Variants in RSPO2 observed in about 807,000 individuals in gnomAD.
RSPO2 encodes the protein R-spondin-2.
RSPO2 carries 14 observed loss-of-function variants against 30.9 expected under a neutral mutation model. That is an observed-to-expected ratio of 0.45 (90% CI 0.30 to 0.71). The LOEUF is 0.71. Among genes scored for constraint, RSPO2 ranks in the 30% least tolerant of loss-of-function variants. The pLI is 0.08. For synonymous variants in RSPO2, 107 were observed against 96.4 expected (o/e 1.11, Z -0.64); for missense variants, 264 against 301.9 (o/e 0.87, Z 0.93).
chr8:107,945,354 T>A (rs1404649813), intron 5 of RSPO2, among the ~76,000 whole-genome samples: 1 of 145,902 alleles, frequency 6.9e-6, no homozygotes, highest in East Asian at 2.3e-4. Flanking sequence ...GTTCATGCTA[T>A]CCTCCTGCCT....
chr8:108,065,231 T>A (rs977373483), intron 2 of RSPO2, among the ~76,000 whole-genome samples: 12 of 147,430 alleles, frequency 8.1e-5, no homozygotes, highest in African/African-American at 3.0e-4. Flanking sequence ...GCAAACCACG[T>A]GGCACATGTA....
At position 108,065,307 on chromosome 8, in the gene RSPO2, G is replaced by A. The variant is rs200334754; in HGVS notation, c.94+17238C>T. On this transcript the variant is annotated intron_variant, in intron 2 of 5. Coordinates refer to ENST00000276659, the MANE Select transcript of RSPO2 (RefSeq NM_178565.5). Reference sequence around the variant, plus strand: ...AGAAATTGAAAAAAAAAAAAAAAAAGAAGAGTACTACGAAGGCACTTTACT... The same window carrying A: ...AGAAATTGAAAAAAAAAAAAAAAAAAAAGAGTACTACGAAGGCACTTTACT... Among the ~76,000 whole-genome samples the A allele has an allele frequency of 6.2e-3, 684 of 110,386 alleles. 5 individuals carry two copies. The highest frequency in any genetic ancestry group is 0.021 in the African/African-American group (573 of 26,904). The allele number at this position is 110,386 out of a possible 152,430, so 72.4% of individuals were successfully genotyped here.
intron 2 of RSPO2, among the ~76,000 whole-genome samples, chr8:107,994,971 G>A (rs1173221255): frequency 2.0e-5 from 3 of 152,052 alleles, no homozygotes; most frequent in African/African-American, 4.8e-5. Flanking sequence ...CCACAAGAGA[G>A]TCTTCCTTCT....
At position 107,980,259 on chromosome 8, in the gene RSPO2, G is replaced by GC. The variant is rs1167509107; in HGVS notation, c.283+8796dup. On this transcript the variant is annotated intron_variant, in intron 3 of 5. Coordinates refer to ENST00000276659, the MANE Select transcript of RSPO2 (RefSeq NM_178565.5). ...TTTAATAAAAACACACATTGGCCCT[G>GC]CCTAGTATATCAGCAGTAAATGTTT... Among the ~76,000 whole-genome samples, 4 of 151,930 alleles carry GC rather than the reference G, an allele frequency of 2.6e-5. No individual in the cohort carries two copies. The East Asian group carries it at 7.7e-4, about 29-fold the overall frequency.
chr8:107,943,640 C>T (rs1812968758), intron 5 of RSPO2, among the ~76,000 whole-genome samples: 1 of 152,208 alleles, frequency 6.6e-6, no homozygotes, highest in South Asian at 2.1e-4. Flanking sequence ...TCAAACACAG[C>T]TGCAGAAGCA....
chr8:107,961,575 G>C (rs749315147), intron 3 of RSPO2, among the ~76,000 whole-genome samples: 3 of 152,120 alleles, frequency 2.0e-5, no homozygotes, highest in Admixed American at 6.6e-5. Flanking sequence ...CTAGGAGTTT[G>C]TGAAACAGAT....
intron 2 of RSPO2, among the ~76,000 whole-genome samples, chr8:108,018,600 T>C (rs985480980): frequency 2.0e-5 from 3 of 152,052 alleles, no homozygotes; most frequent in Admixed American, 2.0e-4. Flanking sequence ...GCCTAAGGAG[T>C]TTCATATTCA....
At chr8:107,959,265 T>C (rs1248465906) in intron 4 of RSPO2, among the ~76,000 whole-genome samples, 2 of 152,200 alleles carry the variant, frequency 1.3e-5, no homozygotes, top group Non-Finnish European at 2.9e-5. Context: ...TTACTACAGT[T>C]TGAAAAGTAA....
intron 2 of RSPO2, among the ~76,000 whole-genome samples, chr8:108,049,739 T>G (rs1812021128): frequency 6.6e-6 from 1 of 151,928 alleles, no homozygotes; most frequent in African/African-American, 2.4e-5. Flanking sequence ...GAACTCATTC[T>G]TTTTTATGGC....
In RSPO2 at chr8:107,901,208, A is replaced by G; in HGVS notation, c.617-18T>C. 1 of 1,601,488 alleles carries G rather than the reference A, an allele frequency of 6.2e-7. No individual in the cohort carries two copies. The highest frequency in any genetic ancestry group is 8.5e-7 in the Non-Finnish European group (1 of 1,174,900). On this transcript the variant is annotated intron_variant, in intron 5 of 5. Transcript: ENST00000276659. ...TCTCTTCCCTGCAATGAAGGAAAGA[A>G]AAGAAGAGATGTCAGAAATGGCTCT...
At chr8:108,044,874 T>C (rs761667710) in intron 2 of RSPO2, among the ~76,000 whole-genome samples, 15 of 152,140 alleles carry the variant, frequency 9.9e-5, no homozygotes, top group African/African-American at 1.4e-4. Context: ...TGGTTAGCTA[T>C]ATGCAGAAGG....
At chr8:107,993,704 GACT>G (rs1814925368) in intron 2 of RSPO2, among the ~76,000 whole-genome samples, 1 of 152,118 alleles carries the variant, frequency 6.6e-6, no homozygotes, top group South Asian at 2.1e-4. Flanking sequence ...CAATTCTAGA[GACT>G]AGAAGTCTGA....
intron 5 of RSPO2, among the ~76,000 whole-genome samples, chr8:107,913,971 C>T (rs528179283): frequency 1.3e-5 from 2 of 152,126 alleles, no homozygotes; most frequent in African/African-American, 4.8e-5. Context: ...GGCGTTAAAG[C>T]ATGAGAAACC....
intron 4 of RSPO2, 44 bp downstream of exon 4, chr8:107,960,630 A>G (rs1158517409): frequency 1.3e-6 from 2 of 1,577,308 alleles, no homozygotes; most frequent in South Asian, 2.3e-5. Context: ...AACAAGTGCT[A>G]AAATAAAAGT....
chr8:108,076,009 G>A lies in RSPO2; in HGVS notation c.94+6536C>T, dbSNP rs138382906. 6.6e-3 allele frequency among the ~76,000 whole-genome samples: 999 copies of A among 152,268 alleles called. 8 individuals are homozygous for A. The highest frequency in any genetic ancestry group is 0.022 in the African/African-American group (909 of 41,558). Reference sequence around the variant, plus strand: ...AACCAGAAAAAAAGGAAAAATAAGAGTCCTTTAAGAATAGCCCAGAAATCT... The same window carrying A: ...AACCAGAAAAAAAGGAAAAATAAGAATCCTTTAAGAATAGCCCAGAAATCT... On this transcript the variant is annotated intron_variant, in intron 2 of 5. Transcript: ENST00000276659.
chr8:107,944,465 T>C lies in RSPO2; in HGVS notation c.616+13615A>G, dbSNP rs557053918. 3.3e-5 allele frequency among the ~76,000 whole-genome samples: 5 copies of C among 152,304 alleles called. No individual in the cohort carries two copies. In the South Asian group the frequency reaches 1.0e-3, roughly 32 times the overall value. On this transcript the variant is annotated intron_variant, in intron 5 of 5. Coordinates refer to ENST00000276659, the MANE Select transcript of RSPO2 (RefSeq NM_178565.5). ...CAGAGTCCACCAAAAATAGGAGACA[T>C]GTTACTGAATTCAGTCCATGCCAAG...
At chr8:107,936,164 A>AT (rs1812716961) in intron 5 of RSPO2, among the ~76,000 whole-genome samples, 2 of 151,894 alleles carry the variant, frequency 1.3e-5, no homozygotes. Context: ...CATGAGATCA[A>AT]TTTTTTAGCT....
intron 2 of RSPO2, among the ~76,000 whole-genome samples, chr8:108,015,605 T>C (rs566837616): frequency 1.3e-5 from 2 of 152,222 alleles, no homozygotes; most frequent in South Asian, 4.1e-4. Context: ...CCACTCTTGA[T>C]ATCTGATCAA....
At chr8:107,914,136 A>T (rs940066132) in intron 5 of RSPO2, among the ~76,000 whole-genome samples, 2 of 152,160 alleles carry the variant, frequency 1.3e-5, no homozygotes, top group Admixed American at 1.3e-4. Context: ...TATAAAGAGT[A>T]TCAGTGACTT....
Sources: gnomAD v4.1 joint callset for allele counts (sites outside exome capture counted in the v4.1 genomes callset) on GRCh38, gnomAD v4.1.1 for gene constraint, MANE v1.5 for transcripts, NCBI Gene and HGNC (gene_info 2026-07-23, HGNC 2026-07-21) for gene names.